The following CDH12 variants were observed in gnomAD, a reference collection of about 807,000 sequenced individuals.
CDH12 encodes cadherin 12.
A neutral mutation model predicts 74.1 loss-of-function variants in CDH12; 41 were observed. The ratio of observed to expected loss-of-function variants is 0.55; its 90% CI spans 0.43 to 0.72. CDH12 has a LOEUF of 0.72. Among genes scored for constraint, CDH12 ranks in the 30% least tolerant of loss-of-function variants. The pLI, the probability that CDH12 is intolerant of heterozygous loss-of-function variation, is 0.00. For synonymous variants in CDH12, 399 were observed against 355.0 expected (o/e 1.12, Z -1.39); for missense variants, 945 against 977.2 (o/e 0.97, Z 0.44).
intron 6 of CDH12, among the ~76,000 whole-genome samples, chr5:21,856,141 TCAA>T (rs1750744334): frequency 6.6e-6 from 1 of 151,662 alleles, no homozygotes; most frequent in South Asian, 2.1e-4. Context: ...ATCATCATCA[TCAA>T]CATCATCACT....
chr5:22,153,858 G>GTA (rs1208832724), intron 4 of CDH12, among the ~76,000 whole-genome samples: 64 of 103,212 alleles, frequency 6.2e-4, no homozygotes, highest in East Asian at 9.6e-4. Context: ...ATGTGTGTGT[G>GTA]TATATATATA....
intron 1 of CDH12, among the ~76,000 whole-genome samples, chr5:22,825,526 T>C (rs1458111870): frequency 2.0e-5 from 3 of 152,142 alleles, no homozygotes; most frequent in Admixed American, 6.6e-5. Context: ...TGAATTGGGA[T>C]TTTGTCTGGT....
chr5:22,710,560 T>C (rs1001903226), intron 1 of CDH12, among the ~76,000 whole-genome samples: 1 of 152,252 alleles, frequency 6.6e-6, no homozygotes, highest in Middle Eastern at 3.4e-3. Flanking sequence ...CTCCTGAGGG[T>C]AAGGATTTTT....
At chr5:22,817,070 G>A (rs1749429429) in intron 1 of CDH12, among the ~76,000 whole-genome samples, 2 of 151,914 alleles carry the variant, frequency 1.3e-5, no homozygotes, top group African/African-American at 2.4e-5. Flanking sequence ...TCTCCTTAGG[G>A]TGATCTCTAG....
In CDH12 at chr5:22,640,315, T is replaced by C. The variant is rs77640113; in HGVS notation, c.-522-134951A>G. On this transcript the variant is annotated intron_variant, in intron 1 of 14. Coordinates refer to ENST00000382254, the MANE Select transcript of CDH12 (RefSeq NM_004061.5). ...ACAAAATACCTTTGAAAATAGCAAG[T>C]GATTTCAGAAAATCTAACACTATTT... Among the ~76,000 whole-genome samples, 10 of 152,340 alleles carry C rather than the reference T, an allele frequency of 6.6e-5. No individual in the cohort carries two copies. The East Asian group carries it at 1.7e-3, about 26-fold the overall frequency.
intron 4 of CDH12, among the ~76,000 whole-genome samples, chr5:22,085,898 T>G (rs1580225841): frequency 6.6e-6 from 1 of 152,218 alleles, no homozygotes; most frequent in East Asian, 1.9e-4. Flanking sequence ...GCAAATCTGA[T>G]AGTTTAAGAA....
At chr5:22,429,906 A>G (rs1017902213) in intron 2 of CDH12, among the ~76,000 whole-genome samples, 33 of 152,194 alleles carry the variant, frequency 2.2e-4, no homozygotes, top group South Asian at 6.2e-4. Flanking sequence ...AGAGAAGAAG[A>G]ATACACAATT....
At chr5:21,992,876 G>T (rs1470916106) in intron 5 of CDH12, among the ~76,000 whole-genome samples, 3 of 152,146 alleles carry the variant, frequency 2.0e-5, no homozygotes, top group African/African-American at 7.2e-5. Flanking sequence ...ATAAAGAAAA[G>T]AAGTTTAATT....
chr5:22,724,866 CT>C (rs1744083520), intron 1 of CDH12, among the ~76,000 whole-genome samples: 1 of 151,670 alleles, frequency 6.6e-6, no homozygotes, highest in Non-Finnish European at 1.5e-5. Context: ...AAGTTAATAA[CT>C]TTTAATTTAA....
chr5:21,884,290 G>A, intron 6 of CDH12: 1 of 1,453,696 alleles, frequency 6.9e-7, no homozygotes, highest in South Asian at 1.1e-5. Flanking sequence ...ATGGGAGGTG[G>A]TATGGGAGGT....
intron 6 of CDH12, among the ~76,000 whole-genome samples, chr5:21,947,569 C>T (rs1247967938): frequency 3.3e-5 from 5 of 152,066 alleles, no homozygotes; most frequent in Non-Finnish European, 5.9e-5. Flanking sequence ...AACATTATCT[C>T]AAATTGGAAC....
chr5:22,714,134 A>G (rs769607382), intron 1 of CDH12, among the ~76,000 whole-genome samples: 8 of 152,180 alleles, frequency 5.3e-5, no homozygotes, highest in Admixed American at 1.3e-4. Flanking sequence ...CATCAACTGG[A>G]GAGCTAATAT....
At chr5:21,995,646 T>C (rs1736243425) in intron 5 of CDH12, among the ~76,000 whole-genome samples, 1 of 151,746 alleles carries the variant, frequency 6.6e-6, no homozygotes, top group Non-Finnish European at 1.5e-5. Context: ...CATAGGCACA[T>C]ACAGGAAGTA....
At chr5:22,572,449 G>C (rs574531129) in intron 1 of CDH12, among the ~76,000 whole-genome samples, 21 of 152,078 alleles carry the variant, frequency 1.4e-4, no homozygotes, top group African/African-American at 5.1e-4. Flanking sequence ...TTTCACAAAA[G>C]CAGTTAGTGG....
At chr5:21,873,951 C>A (rs2150022865) in intron 6 of CDH12, among the ~76,000 whole-genome samples, 1 of 152,268 alleles carries the variant, frequency 6.6e-6, no homozygotes, top group South Asian at 2.1e-4. Flanking sequence ...CCTTTTATGG[C>A]TACATAGTAT....
chr5:22,745,124 A>G (rs1318417458), intron 1 of CDH12, among the ~76,000 whole-genome samples: 1 of 151,996 alleles, frequency 6.6e-6, no homozygotes, highest in Non-Finnish European at 1.5e-5. Flanking sequence ...ATTCTTGTTT[A>G]TGAAATGTTC....
intron 1 of CDH12, among the ~76,000 whole-genome samples, chr5:22,678,054 G>GGGT (rs1741304783): frequency 1.3e-5 from 2 of 151,042 alleles, no homozygotes; most frequent in Admixed American, 1.3e-4. Context: ...TGGGGGGGGG[G>GGGT]GTTAGGATTT....
intron 4 of CDH12, among the ~76,000 whole-genome samples, chr5:22,115,502 ACTT>A (rs1338963501): frequency 2.0e-5 from 3 of 152,142 alleles, no homozygotes; most frequent in Non-Finnish European, 2.9e-5. Flanking sequence ...TACTGGTTGT[ACTT>A]CTGTTTGAAT....
At chr5:22,688,120 G>C (rs1247977576) in intron 1 of CDH12, among the ~76,000 whole-genome samples, 1 of 151,964 alleles carries the variant, frequency 6.6e-6, no homozygotes, top group Non-Finnish European at 1.5e-5. Context: ...ACATAGTCCC[G>C]TTTCATTGTG....
Sources: allele counts gnomAD v4.1 joint callset (sites outside exome capture counted in the v4.1 genomes callset), GRCh38; gene constraint gnomAD v4.1.1; transcripts MANE v1.5; gene names NCBI Gene and HGNC (gene_info 2026-07-23, HGNC 2026-07-21).